NPHP3: variants seen among roughly 807,000 people sequenced by gnomAD.
NPHP3 encodes nephrocystin 3.
Under a neutral mutation model 171.9 loss-of-function variants are expected in NPHP3, and 123 were observed. The ratio of observed to expected loss-of-function variants is 0.72; its 90% CI spans 0.62 to 0.83. The LOEUF (loss-of-function observed/expected upper bound fraction) is 0.83. Ranked by LOEUF, NPHP3 falls within the 40% of genes least tolerant of loss-of-function variation. The pLI is 0.00. For synonymous variants in NPHP3, 558 were observed against 579.2 expected, an observed-to-expected ratio of 0.96 and a Z score of 0.52; for missense variants, 1,506 against 1,591.9, an observed-to-expected ratio of 0.95 and a Z score of 0.92.
At chr3:132,682,238 A>G (rs1939049990) in intron 26 of NPHP3, 148 bp from the exon 27 acceptor site, 5 of 695,762 alleles carry the variant, frequency 7.2e-6, no homozygotes, top group Admixed American at 2.4e-5. Flanking sequence ...GACCAGTAAA[A>G]CAACACCCAA....
chr3:132,699,862 A>G lies in NPHP3; in HGVS notation c.1887+56T>C, dbSNP rs1001557971. ...CATATAAATGCCTGCTCTAGCTATT[A>G]CTGAATTTACATCTCTTTCTGAGCA... On this transcript the variant is annotated intron_variant, in intron 12 of 26. Transcript: ENST00000337331. The G allele has an allele frequency of 6.4e-6, 10 of 1,563,764 alleles. No individual in the cohort carries two copies. In the African/African-American group the frequency reaches 1.1e-4, roughly 17 times the overall value.
At chr3:132,692,538 T>A in intron 17 of NPHP3, 116 bp downstream of exon 17, 1 of 858,026 alleles carries the variant, frequency 1.2e-6, no homozygotes. Flanking sequence ...GTATAGCAGA[T>A]CTTTAGAATT....
Position 132,681,965 on chromosome 3 carries a change from A to T in NPHP3, c.3938T>A (p.Phe1313Tyr). The T allele has an allele frequency of 1.2e-6, 2 of 1,614,152 alleles. No homozygotes were observed. Among genetic ancestry groups the T allele is most frequent in the Non-Finnish European group, 1.7e-6 (2 of 1,179,986 alleles). The change falls in exon 27 of 27, where the codon TTT (phenylalanine) becomes TAT (tyrosine). Residue 1313 changes from phenylalanine (F) to tyrosine (Y), a missense_variant. This residue lies in a region of NPHP3 where 569 missense variants were observed against 648.1 expected (regional missense o/e 0.88). Coordinates refer to ENST00000337331, the MANE Select transcript of NPHP3 (RefSeq NM_153240.5). The part of the protein sequence containing the change: ...PSRHSSSGDT[F>Y]SLKTAHSPNV... ...AGGAGAATGAGCTGTTTTTAAGCTAAACGTGTCTCCACTTGATGAATGGCG... is the reference window on the plus strand; with the variant it reads ...AGGAGAATGAGCTGTTTTTAAGCTATACGTGTCTCCACTTGATGAATGGCG...
Position 132,722,056 on chromosome 3 carries a change from G to A in NPHP3, c.300C>T (p.Ile100=). Reference sequence around the variant, plus strand: ...ACTCCTGGTTCTTGCTGACGCGAAAGATCTCGTACTCCTTCCTGAGCCGCT... The same window carrying A: ...ACTCCTGGTTCTTGCTGACGCGAAAAATCTCGTACTCCTTCCTGAGCCGCT... ...EYERLRKEYE[I]FRVSKNQELL... is the part of the protein sequence containing the mutation. The change falls in exon 1 of 27, where the codon ATC becomes ATT. Residue 100 remains isoleucine, a synonymous_variant. Transcript: ENST00000337331. The A allele has an allele frequency of 1.7e-5, 27 of 1,612,980 alleles. No individual in the cohort carries two copies. Among genetic ancestry groups the A allele is most frequent in the Non-Finnish European group, 2.0e-5 (24 of 1,179,894 alleles).
chr3:132,685,086 A>C (rs1939121955), intron 23 of NPHP3: 1 of 335,248 alleles, frequency 3.0e-6, no homozygotes, highest in Non-Finnish European at 5.7e-6. Context: ...AAATTATTAG[A>C]CCTAGGTCCA....
At chr3:132,718,731 T>G (rs1022345146) in intron 3 of NPHP3, among the ~76,000 whole-genome samples, 3 of 152,170 alleles carry the variant, frequency 2.0e-5, no homozygotes, top group Non-Finnish European at 4.4e-5. Context: ...GGGGTAGATA[T>G]CTTAGACTAG....
intron 3 of NPHP3, chr3:132,718,001 G>A (rs1340704914): frequency 3.7e-5 from 16 of 428,458 alleles, no homozygotes; most frequent in South Asian, 2.0e-4. Context: ...TGATCCGCCC[G>A]CCTTGGCCTC....
intron 5 of NPHP3, among the ~76,000 whole-genome samples, chr3:132,713,533 G>A (rs747872969): frequency 5.3e-5 from 8 of 152,020 alleles, no homozygotes; most frequent in Non-Finnish European, 8.8e-5. Flanking sequence ...TCATAGTAAA[G>A]CTAGAACAAC....
rs146839563 is a variant in NPHP3 at position 132,722,101 on chromosome 3, C to T, written c.255G>A (p.Glu85=). 13 of 1,608,682 alleles carry T rather than the reference C, an allele frequency of 8.1e-6. No individual in the cohort carries two copies. In the African/African-American group the frequency reaches 1.7e-4, roughly 21 times the overall value. Residue 85 remains glutamate, a synonymous_variant, in exon 1 of 27, where the codon GAG becomes GAA. Transcript: ENST00000337331. The part of the protein sequence containing the change: ...KSTGSSVPEL[E]YAAAEYERLR... ...GCCGCTCGTACTCGGCCGCCGCGTA[C>T]TCCAGCTCTGGCACCGACGAGCCAG...
intron 26 of NPHP3, 80 bp from the exon 27 acceptor site, chr3:132,682,170 A>G (rs1939048074): frequency 3.0e-6 from 4 of 1,317,446 alleles, no homozygotes; most frequent in Admixed American, 1.7e-5. Context: ...GGATACAGAA[A>G]AAGAAGCTGT....
intron 7 of NPHP3, among the ~76,000 whole-genome samples, chr3:132,707,191 T>C (rs920939309): frequency 6.6e-6 from 1 of 152,178 alleles, no homozygotes; most frequent in Non-Finnish European, 1.5e-5. Context: ...ATGATCAAAT[T>C]TCTCTCATCC....
chr3:132,700,391 T>C lies in NPHP3; in HGVS notation c.1686A>G (p.Gly562=). 4 of 1,613,402 alleles carry C rather than the reference T, an allele frequency of 2.5e-6. No homozygotes were observed. The highest frequency in any genetic ancestry group is 3.4e-6 in the Non-Finnish European group (4 of 1,179,462). The change falls in exon 11 of 27, where the codon GGA becomes GGG. Residue 562 remains glycine, a synonymous_variant. Coordinates refer to ENST00000337331, the MANE Select transcript of NPHP3 (RefSeq NM_153240.5). ...ACTCTGAGCTGGTTGACATGGGCCT[T>C]CCCACAAAATGGGAAAGAATCAGTG... ...PNTLILSHFV[G]RPMSTSSESS...
chr3:132,721,815 GA>G (rs2108007116), intron 1 of NPHP3, 147 bp downstream of exon 1: 1 of 995,644 alleles, frequency 1.0e-6, no homozygotes, highest in South Asian at 1.4e-5. Flanking sequence ...GAGGGTTAAG[GA>G]ATCATTTCAG....
At chr3:132,691,327 A>AAGTCC in intron 17 of NPHP3, 41 bp from the exon 18 acceptor site, 1 of 1,341,634 alleles carries the variant, frequency 7.5e-7, no homozygotes. Context: ...TATTTCACGT[A>AAGTCC]AGTCACTGTA....
At position 132,715,101 on chromosome 3, in the gene NPHP3, A is replaced by G; in HGVS notation, c.941T>C (p.Met314Thr). 1.2e-6 allele frequency: 2 copies of G among 1,611,794 alleles called. No individual in the cohort carries two copies. Among genetic ancestry groups the G allele is most frequent in the Non-Finnish European group, 8.5e-7 (1 of 1,178,018 alleles). The stretch of plus-strand genomic sequence containing the variant: ...TATCCTCACCTTAAGGAAAAGATCC[A>G]TCTCAGGCTGGGTTTCATCTGTATA... ...LIYTDETQPEMDLFLKDYSPK... is the reference protein window; with the variant it reads ...LIYTDETQPETDLFLKDYSPK... Residue 314 changes from methionine to threonine, a missense_variant, in exon 5 of 27, where the codon ATG becomes ACG. Physicochemically the swap from Met to Thr is moderately conservative, Grantham distance 81. Coordinates refer to ENST00000337331, the MANE Select transcript of NPHP3 (RefSeq NM_153240.5).
At position 132,680,724 on chromosome 3, in the gene NPHP3, T is replaced by A. The variant is rs191849490; in HGVS notation, c.*1186A>T. The A allele has an allele frequency of 1.3e-5, 2 of 152,294 alleles. No homozygotes were observed. Among genetic ancestry groups the A allele is most frequent in the East Asian group, 3.9e-4 (2 of 5,182 alleles). 9.4% of individuals were successfully genotyped at this position (152,294 alleles called of 1,614,324 possible). On this transcript the variant is annotated 3_prime_UTR_variant, in exon 27 of 27. Coordinates refer to ENST00000337331, the MANE Select transcript of NPHP3 (RefSeq NM_153240.5). ...GTATTAAATTGATGATTTTATTATA[T>A]ATAAATACACAAATGGTCCAAAACA...
At position 132,721,831 on chromosome 3, in the gene NPHP3, G is replaced by C. The variant is rs1018494927; in HGVS notation, c.393+132C>G. The stretch of plus-strand genomic sequence containing the variant: ...AGGGTTAAGGAATCATTTCAGACTC[G>C]AAGAGAATATGGCCTCTCAAATTAA... On this transcript the variant is annotated intron_variant, in intron 1 of 26. Coordinates refer to ENST00000337331, the MANE Select transcript of NPHP3 (RefSeq NM_153240.5). The C allele has an allele frequency of 8.3e-5, 91 of 1,096,152 alleles. 1 individual carries two copies. In the Admixed American group the frequency reaches 8.8e-4, roughly 11 times the overall value. 67.9% of individuals were successfully genotyped at this position (1,096,152 alleles called of 1,614,324 possible).
intron 13 of NPHP3, among the ~76,000 whole-genome samples, 161 bp from the exon 14 acceptor site, chr3:132,697,523 T>C (rs1939487319): frequency 8.5e-6 from 1 of 117,576 alleles, no homozygotes; most frequent in Non-Finnish European, 1.6e-5. Flanking sequence ...AATTAATATA[T>C]CTTATTCTAA....
At chr3:132,721,850 A>C (rs2108007167) in intron 1 of NPHP3, 113 bp downstream of exon 1, 1 of 1,293,712 alleles carries the variant, frequency 7.7e-7, no homozygotes, top group South Asian at 1.3e-5. Flanking sequence ...ATGGCCTCTC[A>C]AATTAAAATG....
Sources: allele counts gnomAD v4.1 joint callset (sites outside exome capture counted in the v4.1 genomes callset), GRCh38; gene constraint gnomAD v4.1.1; regional missense constraint gnomAD v4.1.1; transcripts MANE v1.5; gene names NCBI Gene and HGNC (gene_info 2026-07-23, HGNC 2026-07-21).